The following CRTAC1 variants were observed in gnomAD, a reference collection of about 807,000 sequenced individuals.
CRTAC1 encodes cartilage acidic protein 1.
A neutral mutation model predicts 67.8 loss-of-function variants in CRTAC1; 37 were observed. The ratio of observed to expected loss-of-function variants is 0.55; its 90% CI spans 0.42 to 0.72. The LOEUF is 0.72. Ranked by LOEUF, CRTAC1 falls within the 30% of genes least tolerant of loss-of-function variation. CRTAC1 has a pLI of 0.00. For synonymous variants in CRTAC1, 348 were observed against 371.0 expected (o/e 0.94, Z 0.71); for missense variants, 780 against 931.6 (o/e 0.84, Z 2.12).
intron 14 of CRTAC1, chr10:97,866,448 C>T (rs568540594): frequency 1.3e-5 from 2 of 152,374 alleles, no homozygotes; most frequent in East Asian, 3.9e-4. Context: ...CGTGAAGAGA[C>T]ATAGCCATGC....
chr10:97,959,261 T>C (rs1004858480), intron 2 of CRTAC1, among the ~76,000 whole-genome samples: 1 of 152,040 alleles, frequency 6.6e-6, no homozygotes, highest in Non-Finnish European at 1.5e-5. Context: ...AATTAAAAAA[T>C]AGCAAGAAAA....
chr10:97,983,083 A>T (rs2051922148), intron 2 of CRTAC1, among the ~76,000 whole-genome samples: 1 of 152,198 alleles, frequency 6.6e-6, no homozygotes, highest in Non-Finnish European at 1.5e-5. Flanking sequence ...GCAAAACAAT[A>T]TTTTAGAGAA....
intron 2 of CRTAC1, among the ~76,000 whole-genome samples, chr10:97,982,619 T>C (rs2051910245): frequency 6.6e-6 from 1 of 152,178 alleles, no homozygotes; most frequent in Non-Finnish European, 1.5e-5. Flanking sequence ...CATCAATCTC[T>C]AGCGGTCCCC....
chr10:98,002,396 T>C (rs1038222033), intron 2 of CRTAC1, among the ~76,000 whole-genome samples: 1 of 152,154 alleles, frequency 6.6e-6, no homozygotes, highest in African/African-American at 2.4e-5. Context: ...CAAATAAGCC[T>C]AAAACTATCT....
chr10:97,946,628 A>G (rs1217799709), intron 2 of CRTAC1, among the ~76,000 whole-genome samples: 3 of 152,164 alleles, frequency 2.0e-5, no homozygotes, highest in African/African-American at 7.2e-5. Flanking sequence ...TATATGCAGG[A>G]AGAGAAGTGC....
intron 14 of CRTAC1, among the ~76,000 whole-genome samples, chr10:97,872,826 A>G (rs77544066): frequency 0.011 from 1,620 of 152,284 alleles, 28 homozygotes; most frequent in African/African-American, 0.037. Context: ...TTCAAAGGGA[A>G]GATGCCGTGC....
At chr10:97,951,741 G>C (rs1342694117) in intron 2 of CRTAC1, among the ~76,000 whole-genome samples, 1 of 152,176 alleles carries the variant, frequency 6.6e-6, no homozygotes, top group African/African-American at 2.4e-5. Flanking sequence ...GACATTTTAT[G>C]GTTTGAATCA....
chr10:97,935,454 C>T (rs1028829230), intron 3 of CRTAC1, among the ~76,000 whole-genome samples: 1 of 152,182 alleles, frequency 6.6e-6, no homozygotes, highest in African/African-American at 2.4e-5. Context: ...CCAGAGGCAT[C>T]ATCATCATAG....
intron 4 of CRTAC1, among the ~76,000 whole-genome samples, chr10:97,920,502 A>AT (rs113130938): frequency 0.032 from 4,850 of 151,146 alleles, 233 homozygotes; most frequent in African/African-American, 0.11. Context: ...TAAAACACAG[A>AT]TTTTTTTTTT....
At chr10:98,013,218 G>T (rs1842940357) in intron 1 of CRTAC1, among the ~76,000 whole-genome samples, 1 of 152,166 alleles carries the variant, frequency 6.6e-6, no homozygotes, top group African/African-American at 2.4e-5. Context: ...GCTGTGATCA[G>T]CTTACAACAT....
At chr10:97,908,183 G>A (rs747847785) in intron 5 of CRTAC1, 36 bp from the exon 6 acceptor site, 1 of 1,611,472 alleles carries the variant, frequency 6.2e-7, no homozygotes, top group South Asian at 1.1e-5. Context: ...AGTGGCAGAA[G>A]CAAGCCCCAG....
chr10:97,976,783 T>G (rs1388930461), intron 2 of CRTAC1, among the ~76,000 whole-genome samples: 1 of 152,250 alleles, frequency 6.6e-6, no homozygotes, highest in South Asian at 2.1e-4. Flanking sequence ...TCTGTGGATG[T>G]GTCTACAGGT....
intron 14 of CRTAC1, chr10:97,870,104 G>A (rs1402878444): frequency 1.3e-5 from 2 of 152,210 alleles, no homozygotes; most frequent in Non-Finnish European, 2.9e-5. Context: ...GGCAATGGAT[G>A]TCAACTGGAA....
At chr10:97,900,177 C>T (rs930896752) in intron 8 of CRTAC1, among the ~76,000 whole-genome samples, 1 of 152,194 alleles carries the variant, frequency 6.6e-6, no homozygotes, top group Non-Finnish European at 1.5e-5. Flanking sequence ...TCCAGCCCTT[C>T]CTCCCTAGAC....
At chr10:97,914,400 G>T (rs1441179572) in intron 5 of CRTAC1, among the ~76,000 whole-genome samples, 1 of 152,336 alleles carries the variant, frequency 6.6e-6, no homozygotes, top group South Asian at 2.1e-4. Flanking sequence ...GGTGGGCACT[G>T]CCCGTGTGCC....
In CRTAC1 at chr10:97,883,969, G is replaced by A. The variant is rs184933724; in HGVS notation, c.1632+237C>T. ...TCAGTTTTCTTCCTCTGTAAAATGG[G>A]TGCAAAAATGCTTGCCCTGCCAATA... On this transcript the variant is annotated intron_variant, in intron 12 of 14. Transcript: ENST00000370597. 6.2e-4 allele frequency among the ~76,000 whole-genome samples: 95 copies of A among 152,320 alleles called. 1 individual carries two copies. The highest frequency in any genetic ancestry group is 2.2e-3 in the African/African-American group (92 of 41,572).
chr10:97,976,095 C>G (rs1164173013), intron 2 of CRTAC1, among the ~76,000 whole-genome samples: 4 of 152,106 alleles, frequency 2.6e-5, no homozygotes, highest in Non-Finnish European at 4.4e-5. Context: ...ATCTAGAGCT[C>G]GGAAAGGCAG....
At chr10:97,907,068 A>G (rs1292639261) in intron 6 of CRTAC1, among the ~76,000 whole-genome samples, 1 of 152,192 alleles carries the variant, frequency 6.6e-6, no homozygotes, top group Non-Finnish European at 1.5e-5. Context: ...ATGCAATCAT[A>G]CATCCGAAAA....
At chr10:97,941,751 G>C (rs569273553) in intron 2 of CRTAC1, among the ~76,000 whole-genome samples, 1 of 152,084 alleles carries the variant, frequency 6.6e-6, no homozygotes, top group African/African-American at 2.4e-5. Flanking sequence ...ACCCTTCTCT[G>C]TTGCCTCACT....
Sources: gnomAD v4.1 joint callset for allele counts (sites outside exome capture counted in the v4.1 genomes callset) on GRCh38, gnomAD v4.1.1 for gene constraint, MANE v1.5 for transcripts, NCBI Gene and HGNC (gene_info 2026-07-23, HGNC 2026-07-21) for gene names.